Variants in SNED1 observed in about 807,000 individuals in gnomAD.
SNED1 encodes sushi, nidogen and EGF-like domain-containing protein 1.
Under a neutral mutation model 166.7 loss-of-function variants are expected in SNED1, and 81 were observed. That is an observed-to-expected ratio of 0.49 (90% CI 0.41 to 0.58). The LOEUF is 0.58. SNED1 is among the 20% of genes least tolerant of loss of function. The pLI, the probability that SNED1 is intolerant of heterozygous loss-of-function variation, is 0.00. For missense variants in SNED1, 1,604 were observed against 2,000.2 expected (o/e 0.80, Z 3.78); for synonymous variants, 762 against 822.0 (o/e 0.93, Z 1.25).
At chr2:241,077,078 CA>C (rs377757851) in intron 27 of SNED1, among the ~76,000 whole-genome samples, 1,683 of 114,422 alleles carry the variant, frequency 0.015, 24 homozygotes, top group African/African-American at 0.041. Flanking sequence ...GACTCCGTCT[CA>C]AAAAAAAAAA....
chr2:241,003,675 G>A (rs1282696606), intron 1 of SNED1, among the ~76,000 whole-genome samples: 1 of 152,198 alleles, frequency 6.6e-6, no homozygotes, highest in Admixed American at 6.5e-5. Context: ...TGTGGTAGGG[G>A]GTCCTGGCTG....
intron 29 of SNED1, among the ~76,000 whole-genome samples, chr2:241,083,897 A>G (rs906541660): frequency 5.2e-5 from 7 of 134,448 alleles, no homozygotes; most frequent in Non-Finnish European, 9.7e-5. Flanking sequence ...TTAAACTGCC[A>G]TATTACTATT....
At chr2:241,027,316 G>A (rs191557812) in intron 1 of SNED1, among the ~76,000 whole-genome samples, 2 of 152,180 alleles carry the variant, frequency 1.3e-5, no homozygotes, top group African/African-American at 4.8e-5. Flanking sequence ...CCTGACCTCA[G>A]GTGATCCACC....
chr2:241,084,477 C>T (rs1452629331), intron 29 of SNED1, among the ~76,000 whole-genome samples: 1 of 152,076 alleles, frequency 6.6e-6, no homozygotes, highest in Non-Finnish European at 1.5e-5. Flanking sequence ...ATTTACCATA[C>T]ACATCTTCAA....
At chr2:241,072,546 T>C (rs1246940398) in intron 26 of SNED1, 6 of 318,544 alleles carry the variant, frequency 1.9e-5, no homozygotes, top group South Asian at 5.1e-5. Flanking sequence ...TAGTCACCAG[T>C]TTAATGAACA....
At position 241,060,268 on chromosome 2, in the gene SNED1, C is replaced by T. The variant is rs535314641; in HGVS notation, c.2258-2523C>T. ...CACAATCTCGGCTCACTGCAACCTC[C>T]GCCTCCCTGGTTCAAGCGATTCTCC... On this transcript the variant is annotated intron_variant, in intron 16 of 31. Coordinates refer to ENST00000310397, the MANE Select transcript of SNED1 (RefSeq NM_001080437.3). Among the ~76,000 whole-genome samples, 3 of 151,968 alleles carry T rather than the reference C, an allele frequency of 2.0e-5. No homozygotes were observed. The East Asian group carries it at 5.8e-4, about 29-fold the overall frequency.
chr2:241,002,958 C>CTGGACACCTGCAGCACCCCCTTGCT (rs1242244971), intron 1 of SNED1, among the ~76,000 whole-genome samples: 16 of 152,186 alleles, frequency 1.1e-4, no homozygotes, highest in Non-Finnish European at 2.1e-4. Context: ...CCCCACTTGC[C>CTGGACACCTGCAGCACCCCCTTGCT]TGGACACCTG....
Position 241,071,718 on chromosome 2 carries a change from C to CCCCCCGT in SNED1, c.3732_3733insCCCCCGT (p.Arg1245ProfsTer3). The CCCCCCGT allele has an allele frequency of 6.7e-7, 1 of 1,503,690 alleles. No homozygotes were observed. The highest frequency in any genetic ancestry group is 9.0e-7 in the Non-Finnish European group (1 of 1,112,834). The allele number at this position is 1,503,690 out of a possible 1,614,324, so 93.1% of individuals were successfully genotyped here. A position where few individuals can be genotyped will look rare whatever the true frequency, so the allele number is the denominator to read the frequency against. ...CCCCCGAGACCCCCACCCAGCCCCC[C>CCCCCCGT]AGGTACATGCCCCACCCATCGGCCC... On this transcript the variant is annotated frameshift_variant and splice_region_variant, in exon 25 of 32. Transcript: ENST00000310397. LOFTEE classifies it high-confidence loss of function.
intron 1 of SNED1, among the ~76,000 whole-genome samples, chr2:241,027,876 G>C (rs2124962808): frequency 6.6e-6 from 1 of 152,102 alleles, no homozygotes; most frequent in African/African-American, 2.4e-5. Context: ...TGGGACTACA[G>C]GCACCCACCA....
chr2:241,048,087 TG>T (rs1346632449), intron 8 of SNED1, among the ~76,000 whole-genome samples: 1 of 152,152 alleles, frequency 6.6e-6, no homozygotes, highest in Admixed American at 6.5e-5. Flanking sequence ...CAATCCTGGG[TG>T]GTTTCTCTGG....
rs116957798 is a variant in SNED1 at position 241,064,599 on chromosome 2, C to A, written c.2600-245C>A. On this transcript the variant is annotated intron_variant, in intron 19 of 31. Transcript: ENST00000310397. This position sits in a 1 kb window ranked among gnomAD's most constrained non-coding sequence, Gnocchi z 7.0. ...GGGTGGTGGCCTGTCCTGTCCTGAT[C>A]CAGTGTCTCCTCCCCTCAGCCAGTC... Among the ~76,000 whole-genome samples the A allele has an allele frequency of 9.8e-4, 150 of 152,354 alleles. 2 individuals carry two copies. The East Asian group carries it at 0.028, about 28-fold the overall frequency.
At chr2:241,000,025 G>A (rs1280225115) in intron 1 of SNED1, among the ~76,000 whole-genome samples, 2 of 151,722 alleles carry the variant, frequency 1.3e-5, no homozygotes, top group Admixed American at 6.6e-5. Flanking sequence ...CAGCCACATC[G>A]CCTCTGCCAT....
chr2:241,076,423 ATTAT>A (rs1373021587), intron 27 of SNED1, among the ~76,000 whole-genome samples: 1 of 152,136 alleles, frequency 6.6e-6, no homozygotes, highest in Non-Finnish European at 1.5e-5. Flanking sequence ...ACTTTTCCTG[ATTAT>A]TTATTACTGG....
In SNED1 at chr2:241,070,097, G is replaced by A. The variant is rs368117519; in HGVS notation, c.3485G>A (p.Arg1162His). The part of the protein sequence containing the change: ...PNGKLASYTV[R>H]DLLPGRRYQL... ...GGGAAGCTGGCGTCCTACACGGTGC[G>A]CGACCTGCTGCCGGGACGGCGGTAC... The change falls in exon 24 of 32, where the codon CGC (arginine) becomes CAC (histidine). Residue 1162 changes from arginine (R) to histidine (H), a missense_variant. Physicochemically the swap from Arg to His is conservative, Grantham distance 29. This residue lies in a region of SNED1 where 367 missense variants were observed against 379.4 expected (regional missense o/e 0.97). Coordinates refer to ENST00000310397, the MANE Select transcript of SNED1 (RefSeq NM_001080437.3). 41 of 1,612,884 alleles carry A rather than the reference G, an allele frequency of 2.5e-5. No individual in the cohort carries two copies. The highest frequency in any genetic ancestry group is 2.0e-4 in the African/African-American group (15 of 74,950).
intron 26 of SNED1, chr2:241,072,804 G>A (rs778330448): frequency 2.4e-4 from 46 of 192,594 alleles, no homozygotes; most frequent in Non-Finnish European, 4.2e-4. Flanking sequence ...CCGAGGGTGC[G>A]GTTGAGATCC....
In SNED1 at chr2:241,051,443, T is replaced by G. The variant is rs536402860; in HGVS notation, c.1736-301T>G. 35 of 319,780 alleles carry G rather than the reference T, an allele frequency of 1.1e-4. No homozygotes were observed. In the Admixed American group the frequency reaches 1.3e-3, roughly 12 times the overall value. 19.8% of individuals were successfully genotyped at this position (319,780 alleles called of 1,614,324 possible). A position where few individuals can be genotyped will look rare whatever the true frequency, so the allele number is the denominator to read the frequency against. On this transcript the variant is annotated intron_variant, in intron 12 of 31. Transcript: ENST00000310397. The surrounding 1 kb of genome is among the most constrained non-coding windows in gnomAD (Gnocchi z 4.7). The stretch of plus-strand genomic sequence containing the variant: ...AGGAGGGAGGGAGTGCTGCGCCCGC[T>G]GCAGTGTTGGGGCCGGTTCTCCACA...
Position 241,081,657 on chromosome 2 carries a change from C to T in SNED1, c.3917-20C>T. The T allele has an allele frequency of 1.3e-6, 2 of 1,556,778 alleles. No homozygotes were observed. Among genetic ancestry groups the T allele is most frequent in the Non-Finnish European group, 1.7e-6 (2 of 1,143,790 alleles). ...GTCCTGGGGTTCCAGTGACTAACCT[C>T]TCGTGACCTCTGTTTCCAGACGTCC... On this transcript the variant is annotated intron_variant, in intron 27 of 31. Coordinates refer to ENST00000310397, the MANE Select transcript of SNED1 (RefSeq NM_001080437.3).
At chr2:241,077,487 T>A (rs1044419129) in intron 27 of SNED1, among the ~76,000 whole-genome samples, 6 of 152,112 alleles carry the variant, frequency 3.9e-5, no homozygotes, top group African/African-American at 1.2e-4. Flanking sequence ...CATGACAACC[T>A]GTGGAGTGGA....
intron 17 of SNED1, 80 bp downstream of exon 17, chr2:241,062,984 G>T: frequency 2.2e-6 from 2 of 919,008 alleles, no homozygotes; most frequent in Admixed American, 2.8e-5. Context: ...CCCCCGGACA[G>T]GTCTCTGTCT....
Sources: gnomAD v4.1 joint callset for allele counts (sites outside exome capture counted in the v4.1 genomes callset) on GRCh38, gnomAD v4.1.1 for gene constraint, gnomAD v4.1.1 regional missense constraint, Gnocchi (gnomAD v3.1) non-coding constraint, MANE v1.5 for transcripts, NCBI Gene and HGNC (gene_info 2026-07-23, HGNC 2026-07-21) for gene names.